PPP3CA: variants seen among roughly 807,000 people sequenced by gnomAD.
PPP3CA encodes the protein protein phosphatase 3 catalytic subunit alpha.
In PPP3CA, 14 loss-of-function variants were observed where a neutral mutation model predicts 66.5. That is an observed-to-expected ratio of 0.21 (90% CI 0.14 to 0.33). The LOEUF (loss-of-function observed/expected upper bound fraction) is 0.33, where lower values mean the gene tolerates loss of function less well. Among genes scored for constraint, PPP3CA ranks in the 10% least tolerant of loss-of-function variants. The pLI is 1.00. For missense variants in PPP3CA, 317 were observed against 639.5 expected, an observed-to-expected ratio of 0.50 and a Z score of 5.44; for synonymous variants, 232 against 226.2, an observed-to-expected ratio of 1.03 and a Z score of -0.23.
chr4:101,258,608 A>C lies in PPP3CA; in HGVS notation c.59-62492T>G, dbSNP rs7684556. 8.2e-3 allele frequency among the ~76,000 whole-genome samples: 1,252 copies of C among 152,202 alleles called. 11 individuals carry two copies. The highest frequency in any genetic ancestry group is 0.02 in the Middle Eastern group (6 of 294). On this transcript the variant is annotated intron_variant, in intron 1 of 13. Transcript: ENST00000394854. ...TCCTGAGGAATTTTTCATTCCTTTG[A>C]ATTTTTTTCTCTTTCTTGTTTACCT...
intron 1 of PPP3CA, among the ~76,000 whole-genome samples, chr4:101,299,497 C>T (rs1034164952): frequency 3.9e-5 from 6 of 151,952 alleles, no homozygotes; most frequent in Non-Finnish European, 1.5e-5. Flanking sequence ...AATGAGCCAT[C>T]ATGCCTGGCT....
At chr4:101,145,957 T>C (rs1722955909) in intron 2 of PPP3CA, among the ~76,000 whole-genome samples, 1 of 152,194 alleles carries the variant, frequency 6.6e-6, no homozygotes, top group Non-Finnish European at 1.5e-5. Flanking sequence ...TCTTGTCCCT[T>C]TGAACTACGT....
chr4:101,060,175 C>A (rs1186925319), intron 10 of PPP3CA, among the ~76,000 whole-genome samples: 2 of 152,010 alleles, frequency 1.3e-5, no homozygotes, highest in African/African-American at 4.8e-5. Flanking sequence ...GCAGTCTCAA[C>A]CTCCTGGGCT....
intron 2 of PPP3CA, among the ~76,000 whole-genome samples, chr4:101,173,440 T>C (rs1723950724): frequency 6.6e-6 from 1 of 152,130 alleles, no homozygotes; most frequent in South Asian, 2.1e-4. Context: ...CACTAGGTCG[T>C]TTCTGCAATT....
chr4:101,324,154 G>GAAGGAAGGGAAGGAAGGGAGGA (rs1729131283), intron 1 of PPP3CA, among the ~76,000 whole-genome samples: 2 of 66,414 alleles, frequency 3.0e-5, no homozygotes, highest in African/African-American at 1.0e-4. Flanking sequence ...GGAAGGGAGG[G>GAAGGAAGGGAAGGAAGGGAGGA]AGGAAGGAAG....
intron 3 of PPP3CA, among the ~76,000 whole-genome samples, chr4:101,102,435 T>C (rs1273925796): frequency 6.6e-6 from 1 of 152,178 alleles, no homozygotes; most frequent in African/African-American, 2.4e-5. Context: ...TTTTATTTCC[T>C]TCTTCCCTGT....
intron 3 of PPP3CA, among the ~76,000 whole-genome samples, chr4:101,103,027 CCA>C (rs148959824): frequency 0.034 from 5,245 of 152,192 alleles, 130 homozygotes; most frequent in Middle Eastern, 0.092. Context: ...TTAATTTTTG[CCA>C]CAGACATAGC....
chr4:101,303,167 T>C (rs941607624), intron 1 of PPP3CA, among the ~76,000 whole-genome samples: 1 of 152,156 alleles, frequency 6.6e-6, no homozygotes, highest in African/African-American at 2.4e-5. Context: ...AATACATTGT[T>C]CAAAAAATGT....
intron 2 of PPP3CA, among the ~76,000 whole-genome samples, chr4:101,145,962 CT>C (rs1186844341): frequency 6.6e-6 from 1 of 152,132 alleles, no homozygotes; most frequent in African/African-American, 2.4e-5. Flanking sequence ...TCCCTTTGAA[CT>C]ACGTTTCACA....
chr4:101,137,564 T>C (rs1339473260), intron 2 of PPP3CA, among the ~76,000 whole-genome samples: 1 of 152,056 alleles, frequency 6.6e-6, no homozygotes, highest in Non-Finnish European at 1.5e-5. Flanking sequence ...ATCCCTTCCC[T>C]ACCCAACCAA....
intron 8 of PPP3CA, among the ~76,000 whole-genome samples, chr4:101,074,402 C>T (rs1729055371): frequency 6.6e-6 from 1 of 152,128 alleles, no homozygotes; most frequent in Non-Finnish European, 1.5e-5. Flanking sequence ...ATAAAACAAC[C>T]TCCTAGTGGA....
At chr4:101,079,048 T>C (rs964329748) in intron 8 of PPP3CA, among the ~76,000 whole-genome samples, 2 of 152,168 alleles carry the variant, frequency 1.3e-5, no homozygotes, top group Non-Finnish European at 2.9e-5. Context: ...AAAACGGCAA[T>C]GTAAAAGACC....
intron 1 of PPP3CA, among the ~76,000 whole-genome samples, chr4:101,259,755 C>CCAT (rs771876590): frequency 4.6e-5 from 7 of 152,108 alleles, no homozygotes; most frequent in Non-Finnish European, 1.0e-4. Context: ...TGTTGACTTT[C>CCAT]CATCAGAACA....
chr4:101,128,476 GCTC>G (rs1722316882), intron 2 of PPP3CA, among the ~76,000 whole-genome samples: 1 of 151,884 alleles, frequency 6.6e-6, no homozygotes, highest in Non-Finnish European at 1.5e-5. Flanking sequence ...AATAGGAACA[GCTC>G]CTGTCTGCAG....
chr4:101,027,085 G>T (rs1189081521), intron 13 of PPP3CA, among the ~76,000 whole-genome samples: 2 of 152,088 alleles, frequency 1.3e-5, no homozygotes, highest in African/African-American at 2.4e-5. Context: ...ACACCAACTG[G>T]TGAGCTGCAA....
At chr4:101,230,030 T>G (rs1725910469) in intron 1 of PPP3CA, among the ~76,000 whole-genome samples, 1 of 151,630 alleles carries the variant, frequency 6.6e-6, no homozygotes, top group African/African-American at 2.4e-5. Flanking sequence ...TAAATACAGT[T>G]CCTTCTTTAT....
chr4:101,268,926 T>A (rs1312628583), intron 1 of PPP3CA, among the ~76,000 whole-genome samples: 1 of 152,162 alleles, frequency 6.6e-6, no homozygotes, highest in African/African-American at 2.4e-5. Context: ...CTGCTAAATA[T>A]CAGCTGCCCA....
At chr4:101,202,384 T>C (rs1425322932) in intron 1 of PPP3CA, among the ~76,000 whole-genome samples, 7 of 152,200 alleles carry the variant, frequency 4.6e-5, no homozygotes, top group Non-Finnish European at 8.8e-5. Flanking sequence ...TAAGGAGTTT[T>C]CACTGAATTT....
At chr4:101,219,149 G>A (rs919751849) in intron 1 of PPP3CA, among the ~76,000 whole-genome samples, 3 of 152,008 alleles carry the variant, frequency 2.0e-5, no homozygotes, top group Non-Finnish European at 4.4e-5. Context: ...GTCAAAGTCT[G>A]ATATGCTACA....
Sources: gnomAD v4.1 joint callset for allele counts (sites outside exome capture counted in the v4.1 genomes callset) on GRCh38, gnomAD v4.1.1 for gene constraint, MANE v1.5 for transcripts, NCBI Gene and HGNC (gene_info 2026-07-23, HGNC 2026-07-21) for gene names.